The following SYN3 variants were observed in gnomAD, a reference collection of about 807,000 sequenced individuals.
The protein encoded by SYN3 is synapsin III, also known as synapsin-3.
SYN3 carries 35 observed loss-of-function variants against 65.8 expected under a neutral mutation model. The observed-to-expected ratio is 0.53, with a 90% CI of 0.41 to 0.70. The LOEUF is 0.70. SYN3 is among the 30% of genes least tolerant of loss of function. The pLI, the probability that SYN3 is intolerant of heterozygous loss-of-function variation, is 0.00. For missense variants in SYN3, 680 were observed against 749.0 expected, an observed-to-expected ratio of 0.91 and a Z score of 1.08; for synonymous variants, 270 against 292.9, an observed-to-expected ratio of 0.92 and a Z score of 0.80.
intron 6 of SYN3, among the ~76,000 whole-genome samples, chr22:32,856,999 T>C (rs569707947): frequency 6.6e-6 from 1 of 152,368 alleles, no homozygotes; most frequent in South Asian, 2.1e-4. Context: ...TTCATTCTTT[T>C]TTCTGGATGA....
intron 4 of SYN3, among the ~76,000 whole-genome samples, chr22:32,881,089 C>A (rs868186444): frequency 3.9e-5 from 6 of 152,260 alleles, no homozygotes; most frequent in Middle Eastern, 3.4e-3. Flanking sequence ...AGCGCTGGGG[C>A]GGGCCTCCTG....
intron 6 of SYN3, among the ~76,000 whole-genome samples, chr22:32,606,794 CTTTATTT>C (rs923716582): frequency 1.9e-4 from 28 of 145,302 alleles, no homozygotes; most frequent in Admixed American, 4.7e-4. Context: ...TCAGCCAACT[CTTTATTT>C]TTTATTTTTT....
chr22:32,568,663 T>C (rs1270235580), intron 7 of SYN3, among the ~76,000 whole-genome samples: 3 of 152,158 alleles, frequency 2.0e-5, no homozygotes, highest in African/African-American at 7.2e-5. Context: ...TCCTCAGGGA[T>C]CTGCCCTCAT....
intron 6 of SYN3, among the ~76,000 whole-genome samples, chr22:32,770,021 C>T (rs1426946989): frequency 6.6e-6 from 1 of 152,210 alleles, no homozygotes; most frequent in Non-Finnish European, 1.5e-5. Flanking sequence ...AGCAGGCAAA[C>T]CCTGACTTCT....
intron 6 of SYN3, among the ~76,000 whole-genome samples, chr22:32,694,852 T>C (rs1346282514): frequency 1.3e-5 from 2 of 152,252 alleles, no homozygotes; most frequent in Non-Finnish European, 2.9e-5. Flanking sequence ...TCTGAGTCTG[T>C]GCTGGTGAAT....
intron 2 of SYN3, among the ~76,000 whole-genome samples, chr22:32,990,440 C>T (rs1403100626): frequency 6.6e-6 from 1 of 151,726 alleles, no homozygotes; most frequent in African/African-American, 2.4e-5. Flanking sequence ...ATCCATCCAT[C>T]CATCCATCCA....
At chr22:32,939,696 T>C (rs2050881821) in intron 3 of SYN3, among the ~76,000 whole-genome samples, 1 of 152,220 alleles carries the variant, frequency 6.6e-6, no homozygotes, top group Non-Finnish European at 1.5e-5. Flanking sequence ...TCATTCTTTT[T>C]TAATTTCTGT....
At chr22:33,040,417 G>A (rs139380987) in intron 1 of SYN3, among the ~76,000 whole-genome samples, 38 of 152,196 alleles carry the variant, frequency 2.5e-4, no homozygotes, top group East Asian at 1.9e-4. Flanking sequence ...TGCCTTTCAT[G>A]GACCACAGCA....
chr22:32,740,927 T>C (rs2061396417), intron 6 of SYN3, among the ~76,000 whole-genome samples: 1 of 152,164 alleles, frequency 6.6e-6, no homozygotes. Flanking sequence ...CTTGGGCTTC[T>C]CTGAGAACTG....
chr22:32,778,029 TAG>T (rs921873428), intron 6 of SYN3, among the ~76,000 whole-genome samples: 2 of 152,184 alleles, frequency 1.3e-5, no homozygotes, highest in Non-Finnish European at 2.9e-5. Flanking sequence ...CGTGTTAGAA[TAG>T]AGTCTGCCAG....
intron 6 of SYN3, among the ~76,000 whole-genome samples, chr22:32,637,452 G>T (rs1252737151): frequency 1.3e-5 from 2 of 151,820 alleles, no homozygotes; most frequent in African/African-American, 4.8e-5. Context: ...CTTCTCCCTG[G>T]GTTTTTGGTT....
At chr22:32,650,476 G>A (rs578031661) in intron 6 of SYN3, among the ~76,000 whole-genome samples, 30 of 151,880 alleles carry the variant, frequency 2.0e-4, no homozygotes, top group African/African-American at 6.5e-4. Context: ...ATGTTGCCCC[G>A]GCTGGTCTCA....
intron 1 of SYN3, among the ~76,000 whole-genome samples, chr22:33,032,711 T>C (rs948593811): frequency 6.6e-6 from 1 of 152,092 alleles, no homozygotes; most frequent in African/African-American, 2.4e-5. Flanking sequence ...GTGTCTTTAC[T>C]GAAGCATTCC....
intron 6 of SYN3, among the ~76,000 whole-genome samples, chr22:32,739,299 A>G (rs967220213): frequency 6.6e-6 from 1 of 151,614 alleles, no homozygotes; most frequent in Non-Finnish European, 1.5e-5. Flanking sequence ...GCCACCATGT[A>G]AGATGTGCCT....
intron 9 of SYN3, among the ~76,000 whole-genome samples, chr22:32,537,720 C>A (rs932540118): frequency 1.3e-5 from 2 of 152,152 alleles, no homozygotes; most frequent in African/African-American, 4.8e-5. Context: ...CTGGTCAGGG[C>A]TGGAAAGACC....
Position 32,561,034 on chromosome 22 carries a change from C to T in SYN3, c.775-19321G>A, listed in dbSNP as rs1370735402. ...AGGCGGATCCCGGCTTTCCCCTCCTCAGCCCACCCACAAATGGGAAAGCCT... is the reference window on the plus strand; with the variant it reads ...AGGCGGATCCCGGCTTTCCCCTCCTTAGCCCACCCACAAATGGGAAAGCCT... On this transcript the variant is annotated intron_variant, in intron 7 of 13. Transcript: ENST00000358763. Among the ~76,000 whole-genome samples the T allele has an allele frequency of 2.0e-5, 3 of 152,296 alleles. 1 individual carries two copies. In the East Asian group the frequency reaches 5.8e-4, roughly 29 times the overall value.
intron 6 of SYN3, among the ~76,000 whole-genome samples, chr22:32,604,739 C>G (rs1478205256): frequency 1.3e-5 from 2 of 152,194 alleles, no homozygotes. Flanking sequence ...GGCGCGGTGG[C>G]TCACGCCTGT....
At chr22:32,802,137 T>A in intron 6 of SYN3, 1 of 1,575,200 alleles carries the variant, frequency 6.3e-7, no homozygotes, top group Non-Finnish European at 8.6e-7. Flanking sequence ...GCGCTCCTGG[T>A]GCCCCGCCCG....
chr22:32,759,423 C>T (rs1278409070), intron 6 of SYN3, among the ~76,000 whole-genome samples: 1 of 152,136 alleles, frequency 6.6e-6, no homozygotes, highest in Non-Finnish European at 1.5e-5. Context: ...CGTGGTCCTG[C>T]TACCATCAGG....
Sources: gnomAD v4.1 joint callset for allele counts (sites outside exome capture counted in the v4.1 genomes callset) on GRCh38, gnomAD v4.1.1 for gene constraint, MANE v1.5 for transcripts, NCBI Gene and HGNC (gene_info 2026-07-23, HGNC 2026-07-21) for gene names.